Variants in SV2C observed in about 807,000 individuals in gnomAD.
SV2C encodes the protein synaptic vesicle glycoprotein 2C.
Under a neutral mutation model 79.7 loss-of-function variants are expected in SV2C, and 49 were observed. The observed-to-expected ratio is 0.61, with a 90% CI of 0.49 to 0.78. The LOEUF is 0.78. Ranked by LOEUF, SV2C falls within the 30% of genes least tolerant of loss-of-function variation. The pLI is 0.00. For missense variants in SV2C, 833 were observed against 912.9 expected (o/e 0.91, Z 1.13); for synonymous variants, 334 against 333.2 (o/e 1.00, Z -0.03).
chr5:75,900,492 T>C, the SV2C span, among the ~76,000 whole-genome samples: 15 of 152,292 alleles, frequency 9.8e-5, no homozygotes, highest in East Asian at 2.9e-3. Context: ...TGGCTGCCCT[T>C]AACATTTTTT....
At chr5:76,047,826 C>T in the SV2C span, among the ~76,000 whole-genome samples, 3,580 of 140,606 alleles carry the variant, frequency 0.025, 151 homozygotes, top group African/African-American at 0.089. Flanking sequence ...AGTGCAGTGG[C>T]GCGATCGCAG....
At chr5:75,880,660 T>C in the SV2C span, among the ~76,000 whole-genome samples, 1 of 152,210 alleles carries the variant, frequency 6.6e-6, no homozygotes, top group Admixed American at 6.5e-5. Context: ...TCAAAACCAC[T>C]TAACCAGTCT....
the SV2C span, among the ~76,000 whole-genome samples, chr5:75,851,733 C>G: frequency 6.6e-6 from 1 of 152,196 alleles, no homozygotes; most frequent in African/African-American, 2.4e-5. Flanking sequence ...CTCCCCCTCC[C>G]GGGTTCACGC....
At chr5:76,009,384 A>G in the SV2C span, among the ~76,000 whole-genome samples, 115 of 152,320 alleles carry the variant, frequency 7.5e-4, 2 homozygotes, top group East Asian at 0.02. Context: ...CAGAATTACC[A>G]TTTGACCCAG....
At position 76,174,046 on chromosome 5, in the gene SV2C, TA is replaced by T. The variant is rs755448946; in HGVS notation, c.581-20872del. On this transcript the variant is annotated intron_variant, in intron 2 of 12. Transcript: ENST00000502798. ...TTTCAAGCATACACTGTTGTGCATCTACTTCAACTTGCTCTCTATAAGAATC... is the reference window on the plus strand; with the variant it reads ...TTTCAAGCATACACTGTTGTGCATCTCTTCAACTTGCTCTCTATAAGAATC... The T allele has an allele frequency of 3.8e-6, 6 of 1,572,366 alleles. No individual in the cohort carries two copies. The African/African-American group carries it at 8.1e-5, about 21-fold the overall frequency.
chr5:76,073,457 C>T, the SV2C span, among the ~76,000 whole-genome samples: 1 of 140,450 alleles, frequency 7.1e-6, no homozygotes, highest in East Asian at 2.1e-4. Context: ...GCCCAAATGC[C>T]CATCAATCAA....
chr5:75,865,991 G>C, the SV2C span, among the ~76,000 whole-genome samples: 1 of 152,130 alleles, frequency 6.6e-6, no homozygotes, highest in Non-Finnish European at 1.5e-5. Context: ...TCCTGCCATT[G>C]GGAGGAGTTT....
At chr5:75,950,117 A>G in the SV2C span, among the ~76,000 whole-genome samples, 2 of 152,204 alleles carry the variant, frequency 1.3e-5, no homozygotes, top group Non-Finnish European at 1.5e-5. Flanking sequence ...GCCCTGGGGC[A>G]CTGTTGGTGT....
intron 2 of SV2C, among the ~76,000 whole-genome samples, chr5:76,156,308 G>C (rs1184447619): frequency 6.6e-6 from 1 of 152,164 alleles, no homozygotes; most frequent in Non-Finnish European, 1.5e-5. Context: ...CATCCCCTGA[G>C]TGGTAACATC....
At chr5:76,139,351 T>C (rs1749176751) in intron 2 of SV2C, among the ~76,000 whole-genome samples, 1 of 152,200 alleles carries the variant, frequency 6.6e-6, no homozygotes, top group South Asian at 2.1e-4. Flanking sequence ...ATGCTGTAGC[T>C]AAGACCTCTC....
At chr5:76,138,435 A>G (rs1197548895) in intron 2 of SV2C, among the ~76,000 whole-genome samples, 1 of 152,210 alleles carries the variant, frequency 6.6e-6, no homozygotes, top group African/African-American at 2.4e-5. Flanking sequence ...TTTGCTTGTG[A>G]AGTCCAACAG....
the SV2C span, among the ~76,000 whole-genome samples, chr5:75,931,274 T>C: frequency 1.3e-5 from 2 of 152,316 alleles, no homozygotes; most frequent in East Asian, 1.9e-4. Flanking sequence ...ATGTGAGCCA[T>C]AGAGGGAAAT....
the SV2C span, among the ~76,000 whole-genome samples, chr5:76,016,133 C>T: frequency 6.6e-6 from 1 of 151,544 alleles, no homozygotes; most frequent in African/African-American, 2.4e-5. Context: ...GTGTGGGTGG[C>T]CCCATTCTTA....
chr5:76,280,300 C>G (rs1747145884), intron 4 of SV2C, among the ~76,000 whole-genome samples: 1 of 151,874 alleles, frequency 6.6e-6, no homozygotes, highest in Admixed American at 6.6e-5. Context: ...ACACACTAAG[C>G]AATGAAGGAG....
the SV2C span, among the ~76,000 whole-genome samples, chr5:75,929,932 AC>A: frequency 2.6e-5 from 4 of 152,216 alleles, no homozygotes; most frequent in African/African-American, 9.6e-5. Context: ...AATTATCAGA[AC>A]TTTTGCTGTC....
intron 4 of SV2C, among the ~76,000 whole-genome samples, chr5:76,212,603 C>T (rs1236118142): frequency 6.6e-6 from 1 of 152,150 alleles, no homozygotes. Context: ...TGGTTAATGG[C>T]TGTCTCTTTC....
intron 2 of SV2C, 70 bp downstream of exon 2, chr5:76,132,400 A>G: frequency 7.0e-7 from 1 of 1,435,994 alleles, no homozygotes. Context: ...ATCAACATAG[A>G]GAATAAATAC....
chr5:75,976,649 C>A, the SV2C span, among the ~76,000 whole-genome samples: 1 of 151,842 alleles, frequency 6.6e-6, no homozygotes, highest in South Asian at 2.1e-4. Flanking sequence ...ATTTCTAGAT[C>A]CATTTATAAA....
chr5:75,921,856 T>G, the SV2C span, among the ~76,000 whole-genome samples: 1 of 151,914 alleles, frequency 6.6e-6, no homozygotes, highest in Non-Finnish European at 1.5e-5. Context: ...CTAAAATGGA[T>G]CCAATATCAT....
Sources: gnomAD v4.1 joint callset for allele counts (sites outside exome capture counted in the v4.1 genomes callset) on GRCh38, gnomAD v4.1.1 for gene constraint, MANE v1.5 for transcripts, NCBI Gene and HGNC (gene_info 2026-07-23, HGNC 2026-07-21) for gene names.